ELMO1: variants seen among roughly 807,000 people sequenced by gnomAD.
The protein encoded by ELMO1 is engulfment and cell motility 1.
A neutral mutation model predicts 98.9 loss-of-function variants in ELMO1; 26 were observed. That is an observed-to-expected ratio of 0.26 (90% CI 0.19 to 0.36). The LOEUF is 0.36. Ranked by LOEUF, ELMO1 falls within the 10% of genes least tolerant of loss-of-function variation. The pLI, the probability that ELMO1 is intolerant of heterozygous loss-of-function variation, is 1.00. For synonymous variants in ELMO1, 346 were observed against 346.0 expected (o/e 1.00, Z 0.00); for missense variants, 627 against 935.2 (o/e 0.67, Z 4.30).
rs1213093643 is a variant in ELMO1, at chr7:37,167,314, A to C, written c.1087-34080T>G. On this transcript the variant is annotated intron_variant, in intron 13 of 21. Coordinates refer to ENST00000310758, the MANE Select transcript of ELMO1 (RefSeq NM_014800.11). The stretch of plus-strand genomic sequence containing the variant: ...TCCAATTTGCCAATCTGTGTCATTT[A>C]ATTGAAGCATTTCGTCCATTTACAT... Among the ~76,000 whole-genome samples the C allele has an allele frequency of 2.0e-5, 3 of 152,176 alleles. No homozygotes were observed. In the South Asian group the frequency reaches 6.2e-4, roughly 32 times the overall value.
intron 16 of ELMO1, among the ~76,000 whole-genome samples, chr7:36,998,762 G>A (rs1050535569): frequency 2.6e-5 from 4 of 151,854 alleles, no homozygotes; most frequent in Admixed American, 2.0e-4. Context: ...CTATATTTTA[G>A]TGCTTTTTAG....
intron 13 of ELMO1, among the ~76,000 whole-genome samples, chr7:37,173,483 T>C (rs1002867040): frequency 1.3e-5 from 2 of 152,246 alleles, no homozygotes; most frequent in Non-Finnish European, 2.9e-5. Context: ...TATAAGGGAA[T>C]TTATTTCAAA....
At chr7:37,023,309 A>G (rs1008148342) in intron 15 of ELMO1, among the ~76,000 whole-genome samples, 2 of 152,248 alleles carry the variant, frequency 1.3e-5, no homozygotes, top group Non-Finnish European at 2.9e-5. Context: ...TGAGCTTTCC[A>G]GGAGCAGATA....
At chr7:36,973,819 TGGC>T (rs991560054) in intron 16 of ELMO1, among the ~76,000 whole-genome samples, 3 of 152,158 alleles carry the variant, frequency 2.0e-5, no homozygotes, top group African/African-American at 4.8e-5. Context: ...GGCGTGGTCT[TGGC>T]GGCCCGCACT....
At chr7:37,170,513 G>C (rs1790076600) in intron 13 of ELMO1, among the ~76,000 whole-genome samples, 1 of 152,090 alleles carries the variant, frequency 6.6e-6, no homozygotes, top group South Asian at 2.1e-4. Context: ...AAATTGCAGT[G>C]GTAAACAGCT....
intron 16 of ELMO1, among the ~76,000 whole-genome samples, chr7:36,904,964 T>A (rs1217830783): frequency 6.6e-6 from 1 of 152,200 alleles, no homozygotes; most frequent in Non-Finnish European, 1.5e-5. Flanking sequence ...AGGAAGCTAT[T>A]TTCACCAGTG....
chr7:37,120,024 A>G (rs895044888), intron 14 of ELMO1, among the ~76,000 whole-genome samples: 18 of 152,260 alleles, frequency 1.2e-4, no homozygotes, highest in African/African-American at 4.3e-4. Context: ...AGGAACAAAC[A>G]GTTTCCAAGA....
chr7:36,957,625 C>T (rs539295539), intron 16 of ELMO1, among the ~76,000 whole-genome samples: 3 of 145,780 alleles, frequency 2.1e-5, no homozygotes, highest in Non-Finnish European at 4.4e-5. Flanking sequence ...GTAGCCTAAG[C>T]TTTGTCATTG....
chr7:37,447,645 CCA>C (rs553791761), intron 1 of ELMO1, among the ~76,000 whole-genome samples: 13 of 149,380 alleles, frequency 8.7e-5, no homozygotes, highest in African/African-American at 2.7e-4. Flanking sequence ...AACACCCCCC[CCA>C]CACACACACA....
At chr7:36,949,854 C>T (rs775161595) in intron 16 of ELMO1, among the ~76,000 whole-genome samples, 13 of 152,146 alleles carry the variant, frequency 8.5e-5, no homozygotes, top group Non-Finnish European at 1.6e-4. Context: ...TGCGAAATCC[C>T]TCCTCCCATT....
chr7:37,041,172 T>C (rs1795485638), intron 15 of ELMO1, among the ~76,000 whole-genome samples: 1 of 152,064 alleles, frequency 6.6e-6, no homozygotes, highest in African/African-American at 2.4e-5. Context: ...CAATAGGTAA[T>C]GTCAATACTC....
intron 1 of ELMO1, among the ~76,000 whole-genome samples, chr7:37,447,730 AC>A (rs1805694996): frequency 6.8e-6 from 1 of 147,630 alleles, no homozygotes; most frequent in Non-Finnish European, 1.5e-5. Context: ...ACACACACAC[AC>A]ACACACACAC....
At chr7:37,076,944 C>T (rs1475922676) in intron 15 of ELMO1, among the ~76,000 whole-genome samples, 2 of 152,352 alleles carry the variant, frequency 1.3e-5, no homozygotes, top group East Asian at 1.9e-4. Context: ...CATGTAACTG[C>T]CTGTGCTGAC....
chr7:36,931,847 A>T (rs957548207), intron 16 of ELMO1, among the ~76,000 whole-genome samples: 3 of 152,202 alleles, frequency 2.0e-5, no homozygotes, highest in Non-Finnish European at 4.4e-5. Context: ...CTAGCTACAG[A>T]CTTCTCTTAA....
intron 16 of ELMO1, among the ~76,000 whole-genome samples, chr7:36,960,864 C>A (rs1293842198): frequency 6.6e-6 from 1 of 152,156 alleles, no homozygotes. Context: ...CTATGCAAAC[C>A]AGACACCGCC....
chr7:37,247,259 C>A (rs2080410), intron 6 of ELMO1, among the ~76,000 whole-genome samples: 1 of 151,920 alleles, frequency 6.6e-6, no homozygotes, highest in African/African-American at 2.4e-5. Flanking sequence ...ATGTTACCTA[C>A]GGTTTTGAAA....
chr7:37,162,063 G>T (rs1451186475), intron 13 of ELMO1, among the ~76,000 whole-genome samples: 4 of 149,570 alleles, frequency 2.7e-5, no homozygotes, highest in Admixed American at 2.0e-4. Context: ...GAGGGAGAGA[G>T]ATAAGAAAAA....
At chr7:37,314,738 T>G in intron 4 of ELMO1, 112 bp downstream of exon 4, 4 of 881,790 alleles carry the variant, frequency 4.5e-6, no homozygotes, top group Non-Finnish European at 6.9e-6. Context: ...TTTTCGTGGA[T>G]AGTAGAGACC....
At chr7:37,049,428 TCTC>T (rs1795980499) in intron 15 of ELMO1, among the ~76,000 whole-genome samples, 1 of 152,178 alleles carries the variant, frequency 6.6e-6, no homozygotes, top group South Asian at 2.1e-4. Context: ...CCAGCTCTCT[TCTC>T]CTTTTGCATT....
Sources: gnomAD v4.1 joint callset for allele counts (sites outside exome capture counted in the v4.1 genomes callset) on GRCh38, gnomAD v4.1.1 for gene constraint, MANE v1.5 for transcripts, NCBI Gene and HGNC (gene_info 2026-07-23, HGNC 2026-07-21) for gene names.